Variants in TMEM217 observed in about 807,000 individuals in gnomAD.
TMEM217 encodes the protein transmembrane protein 217.
For synonymous variants in TMEM217, 76 were observed against 88.3 expected (o/e 0.86, Z 0.78); for missense variants, 204 against 248.8 (o/e 0.82, Z 1.21).
At chr6:37,235,559 G>A (rs1764455517) in intron 1 of TMEM217, among the ~76,000 whole-genome samples, 1 of 152,050 alleles carries the variant, frequency 6.6e-6, no homozygotes. Flanking sequence ...GTAGAGATGG[G>A]GTTTCACCAT....
At chr6:37,244,107 C>T (rs1250829789) in intron 1 of TMEM217, among the ~76,000 whole-genome samples, 1 of 152,240 alleles carries the variant, frequency 6.6e-6, no homozygotes, top group Non-Finnish European at 1.5e-5. Flanking sequence ...TCAGGCCCCT[C>T]TCATAATCCT....
chr6:37,216,919 C>A (rs998359224), downstream of TMEM217, among the ~76,000 whole-genome samples: 13 of 152,184 alleles, frequency 8.5e-5, no homozygotes, highest in African/African-American at 2.7e-4. Context: ...CCTTACCAGA[C>A]ACCAAACCTA....
intron 1 of TMEM217, among the ~76,000 whole-genome samples, chr6:37,251,330 C>T (rs1399562800): frequency 1.3e-5 from 2 of 152,186 alleles, no homozygotes; most frequent in Non-Finnish European, 2.9e-5. Flanking sequence ...TTTGTTATAG[C>T]AGCCTGAATG....
intron 1 of TMEM217, among the ~76,000 whole-genome samples, chr6:37,227,365 C>G (rs146315928): frequency 4.3e-4 from 65 of 152,298 alleles, no homozygotes; most frequent in African/African-American, 1.5e-3. Context: ...TAGTTCTTCT[C>G]CTTCCTTCCC....
intron 1 of TMEM217, among the ~76,000 whole-genome samples, chr6:37,254,632 G>T (rs1202518039): frequency 6.6e-6 from 1 of 152,130 alleles, no homozygotes; most frequent in Non-Finnish European, 1.5e-5. Flanking sequence ...AAAAATATGT[G>T]AACAACATAG....
intron 1 of TMEM217, among the ~76,000 whole-genome samples, chr6:37,229,546 G>A (rs1448769733): frequency 6.6e-6 from 1 of 151,808 alleles, no homozygotes; most frequent in African/African-American, 2.4e-5. Context: ...GTTTCACCGT[G>A]TTAGCCAGGA....
chr6:37,229,333 CA>C (rs1764037364), intron 1 of TMEM217, among the ~76,000 whole-genome samples: 1 of 40,898 alleles, frequency 2.4e-5, no homozygotes, highest in Admixed American at 2.8e-4. Context: ...TAGCAACTTT[CA>C]GTTTTTTTTT....
In TMEM217 at chr6:37,240,758, A is replaced by T. The variant is rs913641576; in HGVS notation, c.-12+16810T>A. 3.6e-4 allele frequency among the ~76,000 whole-genome samples: 53 copies of T among 148,756 alleles called. 1 individual carries two copies. Among genetic ancestry groups the T allele is most frequent in the East Asian group, 1.9e-4 (1 of 5,202 alleles). ...TAATTTAAAACAGAAAAATAAATTT[A>T]AAAAAAGACATAAAAACAAAACATC... On this transcript the variant is annotated intron_variant, in intron 1 of 1. Coordinates refer to ENST00000357219, the Ensembl canonical transcript of TMEM217.
rs1386993417 is a variant in TMEM217, at chr6:37,220,111, C to A, written c.-11-1070G>T. On this transcript the variant is annotated intron_variant, in intron 1 of 1. Coordinates refer to ENST00000357219, the Ensembl canonical transcript of TMEM217. ...GTAGGAGGAAGAAAATAAATAGAAGCGCGTAAGTCAATGAAACAGGAAATA... is the reference window on the plus strand; with the variant it reads ...GTAGGAGGAAGAAAATAAATAGAAGAGCGTAAGTCAATGAAACAGGAAATA... 2.0e-5 allele frequency among the ~76,000 whole-genome samples: 3 copies of A among 151,978 alleles called. No homozygotes were observed. The South Asian group carries it at 6.2e-4, about 32-fold the overall frequency.
intron 1 of TMEM217, among the ~76,000 whole-genome samples, chr6:37,249,891 A>G (rs1765307666): frequency 6.6e-6 from 1 of 152,202 alleles, no homozygotes; most frequent in South Asian, 2.1e-4. Flanking sequence ...CACCAATTCC[A>G]CTTCCATGTC....
At chr6:37,253,485 C>T (rs1765562084) in intron 1 of TMEM217, among the ~76,000 whole-genome samples, 2 of 152,080 alleles carry the variant, frequency 1.3e-5, no homozygotes, top group Admixed American at 1.3e-4. Context: ...TTGCTTATCC[C>T]CTTGCCTTCT....
At chr6:37,242,279 C>T (rs1292454953) in intron 1 of TMEM217, among the ~76,000 whole-genome samples, 2 of 152,206 alleles carry the variant, frequency 1.3e-5, no homozygotes, top group Admixed American at 6.5e-5. Flanking sequence ...GAGTCAAACA[C>T]AGGCCCCCAC....
intron 1 of TMEM217, among the ~76,000 whole-genome samples, chr6:37,239,778 G>A (rs1290467299): frequency 6.6e-6 from 1 of 151,756 alleles, no homozygotes; most frequent in Admixed American, 6.6e-5. Flanking sequence ...ACATTATAAA[G>A]CTTTAGAGCC....
At chr6:37,214,275 T>A (rs1763069089), downstream of TMEM217, among the ~76,000 whole-genome samples, 1 of 152,180 alleles carries the variant, frequency 6.6e-6, no homozygotes, top group Admixed American at 6.5e-5. Flanking sequence ...TCACCCAGGC[T>A]GGAGTGCAGT....
intron 1 of TMEM217, among the ~76,000 whole-genome samples, chr6:37,232,151 A>G (rs1293828067): frequency 6.6e-6 from 1 of 152,190 alleles, no homozygotes; most frequent in East Asian, 1.9e-4. Context: ...CTGGGCTAAT[A>G]GATTTGATTA....
intron 1 of TMEM217, among the ~76,000 whole-genome samples, chr6:37,233,606 C>T (rs1764328824): frequency 6.6e-6 from 1 of 152,216 alleles, no homozygotes; most frequent in Non-Finnish European, 1.5e-5. Context: ...GCACCTCTTA[C>T]TACCATCACA....
chr6:37,214,069 C>A (rs968867403), downstream of TMEM217, among the ~76,000 whole-genome samples: 3 of 152,236 alleles, frequency 2.0e-5, no homozygotes, highest in Non-Finnish European at 4.4e-5. Context: ...TCCCTCCAGC[C>A]CTCTCCTCTT....
At chr6:37,242,542 G>A (rs1764821123) in intron 1 of TMEM217, among the ~76,000 whole-genome samples, 1 of 152,178 alleles carries the variant, frequency 6.6e-6, no homozygotes, top group African/African-American at 2.4e-5. Flanking sequence ...TGCTTTGGTG[G>A]TGAATCAGCT....
At chr6:37,253,436 C>G (rs1765560524) in intron 1 of TMEM217, among the ~76,000 whole-genome samples, 1 of 152,122 alleles carries the variant, frequency 6.6e-6, no homozygotes, top group African/African-American at 2.4e-5. Flanking sequence ...CTTTCTCTTC[C>G]TCTCTTTATT....
Sources: gnomAD v4.1 joint callset for allele counts (sites outside exome capture counted in the v4.1 genomes callset) on GRCh38, gnomAD v4.1.1 for gene constraint, MANE v1.5 for transcripts, NCBI Gene and HGNC (gene_info 2026-07-23, HGNC 2026-07-21) for gene names.